Variants in KLF8 observed in about 807,000 individuals in gnomAD.
KLF8 encodes the protein KLF transcription factor 8, also known as Krueppel-like factor 8.
In KLF8, 10 loss-of-function variants were observed where a neutral mutation model predicts 18.2. The ratio of observed to expected loss-of-function variants is 0.55; its 90% CI spans 0.34 to 0.93. The LOEUF (loss-of-function observed/expected upper bound fraction) is 0.93, where lower values mean the gene tolerates loss of function less well. Among genes scored for constraint, KLF8 ranks in the 40% least tolerant of loss-of-function variants. The pLI is 0.02. For synonymous variants in KLF8, 109 were observed against 97.3 expected, an observed-to-expected ratio of 1.12 and a Z score of -0.71; for missense variants, 264 against 277.9, an observed-to-expected ratio of 0.95 and a Z score of 0.36.
At chrX:56,057,934 C>A in the KLF8 span, among the ~76,000 whole-genome samples, 1 of 107,688 alleles carries the variant, frequency 9.3e-6, no homozygotes, top group Non-Finnish European at 1.9e-5. Flanking sequence ...TCTCCTTCTG[C>A]TTGCATTCAA....
At chrX:56,197,823 G>T in the KLF8 span, among the ~76,000 whole-genome samples, 1 of 111,687 alleles carries the variant, frequency 9.0e-6, no homozygotes. Flanking sequence ...GATGAACATC[G>T]ATGCAAAAAT....
the KLF8 span, among the ~76,000 whole-genome samples, chrX:56,025,752 G>T: frequency 3.6e-5 from 4 of 111,679 alleles, no homozygotes; most frequent in Non-Finnish European, 7.5e-5. Flanking sequence ...GATCAGAGGG[G>T]TCATAACACA....
At chrX:56,136,870 A>G in the KLF8 span, among the ~76,000 whole-genome samples, 4 of 110,951 alleles carry the variant, frequency 3.6e-5, no homozygotes, top group Non-Finnish European at 7.6e-5. Flanking sequence ...CAAAGAGCTA[A>G]TACCCAGAAT....
chrX:56,201,142 A>G, the KLF8 span, among the ~76,000 whole-genome samples: 4 of 112,110 alleles, frequency 3.6e-5, no homozygotes, highest in Non-Finnish European at 5.6e-5. Context: ...TCAGGATCTC[A>G]AAGAGTATTT....
intron 2 of KLF8, among the ~76,000 whole-genome samples, chrX:56,263,104 G>A (rs2066908474): frequency 8.9e-6 from 1 of 111,997 alleles, no homozygotes; most frequent in African/African-American, 3.2e-5. Flanking sequence ...GGAAAAATAA[G>A]AGCTTAAGTT....
the KLF8 span, among the ~76,000 whole-genome samples, chrX:56,061,032 A>C: frequency 9.1e-6 from 1 of 109,727 alleles, no homozygotes; most frequent in Admixed American, 9.7e-5. Context: ...GTGGGATCAG[A>C]GGTGATATCG....
At chrX:56,146,659 C>T in the KLF8 span, among the ~76,000 whole-genome samples, 2 of 108,013 alleles carry the variant, frequency 1.9e-5, no homozygotes, top group Admixed American at 2.0e-4. Flanking sequence ...ATGTGTATAC[C>T]TGTGTAACAA....
At chrX:56,178,130 C>A in the KLF8 span, among the ~76,000 whole-genome samples, 6 of 112,007 alleles carry the variant, frequency 5.4e-5, no homozygotes, top group African/African-American at 1.9e-4. Context: ...TCTGACACTC[C>A]GCAGTGAGGT....
the KLF8 span, among the ~76,000 whole-genome samples, chrX:56,059,917 G>T: frequency 8.9e-6 from 1 of 111,844 alleles, no homozygotes; most frequent in African/African-American, 3.2e-5. Context: ...GATGAAGATA[G>T]CATTGAATCT....
chrX:56,121,185 C>CAAAAA, the KLF8 span, among the ~76,000 whole-genome samples: 2 of 40,858 alleles, frequency 4.9e-5, no homozygotes, highest in Non-Finnish European at 1.0e-4. Context: ...GACTCCGTCT[C>CAAAAA]AAAAAAAAAA....
the KLF8 span, among the ~76,000 whole-genome samples, chrX:56,027,056 A>G: frequency 8.9e-6 from 1 of 112,681 alleles, no homozygotes; most frequent in Non-Finnish European, 1.9e-5. Flanking sequence ...GTGACTCTTG[A>G]CCTAAATGGG....
chrX:55,984,113 TG>T, the KLF8 span, among the ~76,000 whole-genome samples: 1 of 109,831 alleles, frequency 9.1e-6, no homozygotes, highest in Admixed American at 9.9e-5. Context: ...AATTTGGATT[TG>T]TTTTTTTCTT....
chrX:55,913,182 A>G, the KLF8 span, among the ~76,000 whole-genome samples: 6 of 111,684 alleles, frequency 5.4e-5, no homozygotes, highest in Non-Finnish European at 1.1e-4. Context: ...CTCTCTTTAG[A>G]TCTTCAGCCT....
chrX:55,991,304 C>G, the KLF8 span, among the ~76,000 whole-genome samples: 5 of 112,272 alleles, frequency 4.5e-5, no homozygotes, highest in East Asian at 1.1e-3. Flanking sequence ...CCCTCCAAGC[C>G]ACGTGCGGGA....
chrX:55,949,259 C>A, the KLF8 span, among the ~76,000 whole-genome samples: 1 of 110,495 alleles, frequency 9.1e-6, no homozygotes, highest in African/African-American at 3.3e-5. Flanking sequence ...ATGCAGACTT[C>A]TCTAGGGCTT....
At chrX:56,062,719 G>A in the KLF8 span, among the ~76,000 whole-genome samples, 1 of 111,013 alleles carries the variant, frequency 9.0e-6, no homozygotes, top group Non-Finnish European at 1.9e-5. Context: ...TGTCTTGCTA[G>A]GTTGGGGAAG....
At chrX:56,185,869 A>G in the KLF8 span, among the ~76,000 whole-genome samples, 1 of 112,032 alleles carries the variant, frequency 8.9e-6, no homozygotes, top group South Asian at 3.7e-4. Flanking sequence ...GAGATCCTGA[A>G]GGAAGCACTA....
At chrX:56,026,047 G>A in the KLF8 span, among the ~76,000 whole-genome samples, 2 of 112,068 alleles carry the variant, frequency 1.8e-5, no homozygotes, top group African/African-American at 6.5e-5. Flanking sequence ...TTCCGGGTTT[G>A]ACTGGAGTAG....
the KLF8 span, among the ~76,000 whole-genome samples, chrX:55,993,291 G>C: frequency 2.7e-5 from 3 of 111,794 alleles, no homozygotes; most frequent in Non-Finnish European, 5.6e-5. Flanking sequence ...TTAGTTTGTT[G>C]AGGGTTTCTA....
Sources: gnomAD v4.1 joint callset for allele counts (sites outside exome capture counted in the v4.1 genomes callset) on GRCh38, gnomAD v4.1.1 for gene constraint, MANE v1.5 for transcripts, NCBI Gene and HGNC (gene_info 2026-07-23, HGNC 2026-07-21) for gene names.